Variants in SPOCK1 observed in about 807,000 individuals in gnomAD.
The protein encoded by SPOCK1 is testican-1.
In SPOCK1, 23 loss-of-function variants were observed where a neutral mutation model predicts 55.3. The observed-to-expected ratio is 0.42, with a 90% CI of 0.30 to 0.59. The LOEUF is 0.59. SPOCK1 is among the 20% of genes least tolerant of loss of function. The pLI, the probability that SPOCK1 is intolerant of heterozygous loss-of-function variation, is 0.22. For missense variants in SPOCK1, 499 were observed against 552.5 expected, an observed-to-expected ratio of 0.90 and a Z score of 0.97; for synonymous variants, 226 against 221.0, an observed-to-expected ratio of 1.02 and a Z score of -0.20.
chr5:137,309,219 TC>T (rs1757749654), intron 2 of SPOCK1, among the ~76,000 whole-genome samples: 1 of 152,134 alleles, frequency 6.6e-6, no homozygotes, highest in Non-Finnish European at 1.5e-5. Context: ...ACTGAGAGAC[TC>T]CCAAGGGGAA....
rs368020858 is a variant in SPOCK1, at chr5:137,136,960, G to T, written c.347+3620C>A. Among the ~76,000 whole-genome samples, 37 of 152,318 alleles carry T rather than the reference G, an allele frequency of 2.4e-4. No individual in the cohort carries two copies. In the East Asian group the frequency reaches 4.2e-3, roughly 17 times the overall value. ...AATCAAGGAGAAGAATTCCAGCAGG[G>T]GAGGGCTGGCTGCCTTGCTTGGCCC... is the stretch of plus-strand genomic sequence containing the variant. On this transcript the variant is annotated intron_variant, in intron 4 of 10. Coordinates refer to ENST00000394945, the MANE Select transcript of SPOCK1 (RefSeq NM_004598.4).
intron 2 of SPOCK1, among the ~76,000 whole-genome samples, chr5:137,277,001 C>T (rs1393150990): frequency 6.6e-6 from 1 of 152,064 alleles, no homozygotes; most frequent in Non-Finnish European, 1.5e-5. Flanking sequence ...TAGTAATCAT[C>T]GTAATAATAG....
intron 5 of SPOCK1, among the ~76,000 whole-genome samples, chr5:137,077,339 C>T (rs2127011597): frequency 6.6e-6 from 1 of 152,096 alleles, no homozygotes; most frequent in East Asian, 1.9e-4. Context: ...TACAGGAATC[C>T]TAGGAGGACA....
intron 3 of SPOCK1, among the ~76,000 whole-genome samples, chr5:137,147,364 T>C (rs1212563005): frequency 6.6e-6 from 1 of 152,236 alleles, no homozygotes; most frequent in African/African-American, 2.4e-5. Context: ...ACACTTTGAA[T>C]GTCCATCTGT....
Position 137,404,718 on chromosome 5 carries a change from A to G in SPOCK1, c.186+93655T>C, listed in dbSNP as rs545053821. 1.5e-4 allele frequency among the ~76,000 whole-genome samples: 23 copies of G among 152,140 alleles called. No homozygotes were observed. In the East Asian group the frequency reaches 4.2e-3, roughly 28 times the overall value. On this transcript the variant is annotated intron_variant, in intron 2 of 10. Transcript: ENST00000394945. Reference sequence around the variant, plus strand: ...CAGGGGGAGCCACCGCACCTGGCCTAAAATAACATTTTAAATATCGTTGGT... The same window carrying G: ...CAGGGGGAGCCACCGCACCTGGCCTGAAATAACATTTTAAATATCGTTGGT...
chr5:137,125,050 T>C (rs1049567779), intron 4 of SPOCK1, among the ~76,000 whole-genome samples: 2 of 152,114 alleles, frequency 1.3e-5, no homozygotes, highest in African/African-American at 4.8e-5. Context: ...CAAAAGGAAA[T>C]GGAATATACT....
At chr5:137,409,430 G>A (rs1752165716) in intron 2 of SPOCK1, among the ~76,000 whole-genome samples, 1 of 152,154 alleles carries the variant, frequency 6.6e-6, no homozygotes, top group Non-Finnish European at 1.5e-5. Context: ...GAAATCTGGA[G>A]GAGGAAGTCT....
intron 5 of SPOCK1, among the ~76,000 whole-genome samples, chr5:137,101,659 T>A (rs1218259804): frequency 6.6e-6 from 1 of 152,258 alleles, no homozygotes; most frequent in East Asian, 1.9e-4. Context: ...ATTCTGTGGA[T>A]GTATTTTCAC....
intron 2 of SPOCK1, among the ~76,000 whole-genome samples, chr5:137,284,632 C>T (rs989944626): frequency 6.6e-6 from 1 of 152,164 alleles, no homozygotes; most frequent in Non-Finnish European, 1.5e-5. Context: ...GGCAGAGTGA[C>T]CTCATGAAAG....
At chr5:137,291,439 A>G (rs1757367908) in intron 2 of SPOCK1, among the ~76,000 whole-genome samples, 1 of 152,194 alleles carries the variant, frequency 6.6e-6, no homozygotes, top group Non-Finnish European at 1.5e-5. Flanking sequence ...TAATTCCTTC[A>G]CCTGAAAGGT....
At chr5:137,216,413 A>G (rs1217379127) in intron 3 of SPOCK1, among the ~76,000 whole-genome samples, 1 of 152,240 alleles carries the variant, frequency 6.6e-6, no homozygotes, top group Non-Finnish European at 1.5e-5. Flanking sequence ...GTTTCTTTCA[A>G]GGATCATAAC....
chr5:137,084,714 C>CA (rs887065059), intron 5 of SPOCK1, among the ~76,000 whole-genome samples: 1 of 151,444 alleles, frequency 6.6e-6, no homozygotes, highest in Non-Finnish European at 1.5e-5. Flanking sequence ...TAAAAAAACC[C>CA]AAAAAACAAA....
intron 2 of SPOCK1, among the ~76,000 whole-genome samples, chr5:137,280,481 C>T (rs954772168): frequency 1.3e-5 from 2 of 152,202 alleles, no homozygotes. Flanking sequence ...TGAAAGAATA[C>T]AAGGCAGACT....
intron 2 of SPOCK1, among the ~76,000 whole-genome samples, chr5:137,323,233 A>G (rs995012840): frequency 2.6e-5 from 4 of 152,222 alleles, no homozygotes; most frequent in Non-Finnish European, 5.9e-5. Context: ...CAAAAGACAT[A>G]GGGTAGTTTA....
intron 2 of SPOCK1, among the ~76,000 whole-genome samples, chr5:137,362,918 G>C (rs1750981782): frequency 6.6e-6 from 1 of 152,168 alleles, no homozygotes; most frequent in South Asian, 2.1e-4. Flanking sequence ...TGAGACTCAG[G>C]AAGATTAAAT....
intron 2 of SPOCK1, among the ~76,000 whole-genome samples, chr5:137,469,131 C>T (rs546957996): frequency 1.4e-4 from 22 of 152,266 alleles, no homozygotes; most frequent in African/African-American, 5.3e-4. Context: ...AACTCTTTGG[C>T]CTTTAACAAA....
intron 7 of SPOCK1, 116 bp from the exon 8 acceptor site, chr5:136,988,759 G>C: frequency 1.2e-6 from 1 of 844,336 alleles, no homozygotes; most frequent in Non-Finnish European, 1.8e-6. Flanking sequence ...CCTTCCTGAG[G>C]CTGTTTCCTT....
At chr5:137,066,963 T>TAC (rs147918575) in intron 6 of SPOCK1, among the ~76,000 whole-genome samples, 5,023 of 126,248 alleles carry the variant, frequency 0.04, 225 homozygotes, top group African/African-American at 0.11. Flanking sequence ...AACATAAGCA[T>TAC]ACACACACAC....
chr5:137,423,718 T>G (rs778715239), intron 2 of SPOCK1, among the ~76,000 whole-genome samples: 8 of 152,214 alleles, frequency 5.3e-5, no homozygotes, highest in Non-Finnish European at 8.8e-5. Context: ...ATTCCCTGAC[T>G]CCTTGTACTT....
Sources: gnomAD v4.1 joint callset for allele counts (sites outside exome capture counted in the v4.1 genomes callset) on GRCh38, gnomAD v4.1.1 for gene constraint, MANE v1.5 for transcripts, NCBI Gene and HGNC (gene_info 2026-07-23, HGNC 2026-07-21) for gene names.